FSTL4: variants seen among roughly 807,000 people sequenced by gnomAD.
FSTL4 encodes the protein follistatin-related protein 4.
A neutral mutation model predicts 78.2 loss-of-function variants in FSTL4; 28 were observed. That is an observed-to-expected ratio of 0.36 (90% CI 0.27 to 0.49). The LOEUF is 0.49. Ranked by LOEUF, FSTL4 falls within the 20% of genes least tolerant of loss-of-function variation. The probability of loss-of-function intolerance (pLI) is 0.98; values close to 1 mark genes in which losing one functional copy is unlikely to be tolerated. For missense variants in FSTL4, 922 were observed against 1,084.9 expected (o/e 0.85, Z 2.11); for synonymous variants, 422 against 440.5 (o/e 0.96, Z 0.53).
At chr5:133,721,497 T>C in the FSTL4 span, among the ~76,000 whole-genome samples, 1 of 152,314 alleles carries the variant, frequency 6.6e-6, no homozygotes, top group South Asian at 2.1e-4. Flanking sequence ...TTTTCCTTAT[T>C]TGGGAAAGAC....
At chr5:133,508,889 C>T (rs1310512880) in intron 3 of FSTL4, among the ~76,000 whole-genome samples, 1 of 152,162 alleles carries the variant, frequency 6.6e-6, no homozygotes, top group East Asian at 1.9e-4. Context: ...GGCCTTTCAT[C>T]TTACTCTTAT....
intron 4 of FSTL4, among the ~76,000 whole-genome samples, chr5:133,348,829 T>C (rs1488665985): frequency 6.6e-6 from 1 of 152,150 alleles, no homozygotes; most frequent in Non-Finnish European, 1.5e-5. Flanking sequence ...TTAAGTGAGA[T>C]GGTGTACGGA....
At chr5:133,806,228 T>C in the FSTL4 span, among the ~76,000 whole-genome samples, 1 of 152,184 alleles carries the variant, frequency 6.6e-6, no homozygotes, top group African/African-American at 2.4e-5. Flanking sequence ...GACAACATTA[T>C]CTGTGTTTGG....
chr5:133,481,577 A>G (rs1758029600), intron 3 of FSTL4, among the ~76,000 whole-genome samples: 2 of 148,854 alleles, frequency 1.3e-5, no homozygotes, highest in South Asian at 4.3e-4. Flanking sequence ...AAGCTTTTTT[A>G]AGGGAACTCA....
At position 133,400,724 on chromosome 5, in the gene FSTL4, G is replaced by A; in HGVS notation, c.409+14C>T. 4 of 1,610,288 alleles carry A rather than the reference G, an allele frequency of 2.5e-6. No homozygotes were observed. Among genetic ancestry groups the A allele is most frequent in the Non-Finnish European group, 1.7e-6 (2 of 1,176,808 alleles). ...ACAAAACCCAAAACCACAGGGCAAG[G>A]GCCCTGTTCCTACCTTTGAGGAAAC... is the stretch of plus-strand genomic sequence containing the variant. On this transcript the variant is annotated intron_variant, in intron 4 of 15. Coordinates refer to ENST00000265342, the MANE Select transcript of FSTL4 (RefSeq NM_015082.2).
chr5:133,387,850 C>T (rs771859626), intron 4 of FSTL4: 4 of 152,016 alleles, frequency 2.6e-5, no homozygotes, highest in East Asian at 2.0e-4. Flanking sequence ...GACCGTAGGT[C>T]GAACACGTCA....
chr5:133,775,539 G>A, the FSTL4 span, among the ~76,000 whole-genome samples: 2 of 152,190 alleles, frequency 1.3e-5, no homozygotes, highest in East Asian at 1.9e-4. Context: ...AAAAACCACC[G>A]ATTACAGTGT....
At chr5:133,399,744 T>C (rs1053964202) in intron 4 of FSTL4, among the ~76,000 whole-genome samples, 1 of 152,204 alleles carries the variant, frequency 6.6e-6, no homozygotes, top group Admixed American at 6.5e-5. Context: ...CCAAGCCTCC[T>C]CCTCTCCTCC....
chr5:133,787,961 T>A, the FSTL4 span, among the ~76,000 whole-genome samples: 11 of 152,232 alleles, frequency 7.2e-5, no homozygotes, highest in Non-Finnish European at 1.6e-4. Context: ...GGAACTTAGT[T>A]GGTGCTCGGT....
At chr5:133,827,474 A>G in the FSTL4 span, among the ~76,000 whole-genome samples, 2 of 152,158 alleles carry the variant, frequency 1.3e-5, no homozygotes, top group Non-Finnish European at 2.9e-5. Context: ...TCTTGGGACC[A>G]CAAGTTTCTG....
chr5:133,332,132 C>T (rs892332241), intron 4 of FSTL4, among the ~76,000 whole-genome samples: 6 of 152,280 alleles, frequency 3.9e-5, no homozygotes, highest in Non-Finnish European at 5.9e-5. Flanking sequence ...GTCCTCCGAG[C>T]GCTCAGAAAG....
the FSTL4 span, among the ~76,000 whole-genome samples, chr5:133,711,004 C>A: frequency 1.3e-5 from 2 of 152,194 alleles, no homozygotes; most frequent in South Asian, 4.1e-4. Flanking sequence ...TTGCACTCTG[C>A]GCTCACAGAG....
chr5:133,683,519 A>T, the FSTL4 span, among the ~76,000 whole-genome samples: 1 of 152,206 alleles, frequency 6.6e-6, no homozygotes, highest in Non-Finnish European at 1.5e-5. Flanking sequence ...AAACTTGCCA[A>T]GCATGTTTGC....
Position 133,611,025 on chromosome 5 carries a change from A to G in FSTL4, c.-11+1300T>C, listed in dbSNP as rs991147082. On this transcript the variant is annotated intron_variant, in intron 1 of 15. Transcript: ENST00000265342. This position sits in a 1 kb window ranked among gnomAD's most constrained non-coding sequence, Gnocchi z 4.9. ...AATTCCTGGTGCACAGGCTTGCAAC[A>G]AATTTACGAAGGTAACAGACCAAGC... Among the ~76,000 whole-genome samples the G allele has an allele frequency of 6.6e-6, 1 of 152,146 alleles. No homozygotes were observed. Among genetic ancestry groups the G allele is most frequent in the African/African-American group, 2.4e-5 (1 of 41,442 alleles).
intron 2 of FSTL4, chr5:133,575,290 C>T (rs1306793587): frequency 6.6e-6 from 1 of 152,198 alleles, no homozygotes; most frequent in African/African-American, 2.4e-5. Context: ...GCTCAACACA[C>T]ATTCGTGAAA....
the FSTL4 span, among the ~76,000 whole-genome samples, chr5:133,748,717 C>A: frequency 1.6e-3 from 244 of 152,292 alleles, no homozygotes; most frequent in African/African-American, 5.7e-3. Context: ...GCAGAGTCAG[C>A]CCTGAAGTGT....
At chr5:133,316,862 A>G (rs370151366) in intron 4 of FSTL4, among the ~76,000 whole-genome samples, 2 of 91,548 alleles carry the variant, frequency 2.2e-5, no homozygotes, top group Non-Finnish European at 5.7e-5. Context: ...TGCATGCTAC[A>G]CATGATGCAA....
intron 4 of FSTL4, among the ~76,000 whole-genome samples, chr5:133,370,868 C>T (rs1755281332): frequency 6.6e-6 from 1 of 152,168 alleles, no homozygotes; most frequent in South Asian, 2.1e-4. Context: ...CCCCATGGAG[C>T]AACAGGGAAA....
intron 13 of FSTL4, among the ~76,000 whole-genome samples, chr5:133,212,572 G>A (rs1750767482): frequency 6.6e-6 from 1 of 152,138 alleles, no homozygotes; most frequent in East Asian, 1.9e-4. Context: ...AAGATAGGTT[G>A]ATAGAACATA....
Sources: gnomAD v4.1 joint callset for allele counts (sites outside exome capture counted in the v4.1 genomes callset) on GRCh38, gnomAD v4.1.1 for gene constraint, Gnocchi (gnomAD v3.1) non-coding constraint, MANE v1.5 for transcripts, NCBI Gene and HGNC (gene_info 2026-07-23, HGNC 2026-07-21) for gene names.